The following DPCD variants were observed in gnomAD, a reference collection of about 807,000 sequenced individuals.
The protein encoded by DPCD is deleted in primary ciliary dyskinesia homolog (mouse), also known as protein DPCD.
A neutral mutation model predicts 26.4 loss-of-function variants in DPCD; 20 were observed. The ratio of observed to expected loss-of-function variants is 0.76; its 90% CI spans 0.53 to 1.10. The LOEUF (loss-of-function observed/expected upper bound fraction) is 1.10. DPCD is among the 50% of genes least tolerant of loss of function. The pLI, the probability that DPCD is intolerant of heterozygous loss-of-function variation, is 0.00. For synonymous variants in DPCD, 97 were observed against 94.2 expected, an observed-to-expected ratio of 1.03 and a Z score of -0.17; for missense variants, 202 against 253.9, an observed-to-expected ratio of 0.80 and a Z score of 1.39.
In DPCD at chr10:101,601,365, C is replaced by G. The variant is rs375618613; in HGVS notation, c.404+29C>G. On this transcript the variant is annotated intron_variant, in intron 4 of 5. Coordinates refer to ENST00000370151, the MANE Select transcript of DPCD (RefSeq NM_015448.3). ...AGTAGCGTGGAAGGCACCCTGTGTG[C>G]TTGTGTATGAGCGGGGTGTAGGGTG... 4 of 1,608,628 alleles carry G rather than the reference C, an allele frequency of 2.5e-6. No homozygotes were observed. The African/African-American group carries it at 5.4e-5, about 22-fold the overall frequency.
At chr10:101,599,820 A>T (rs2063679333) in intron 2 of DPCD, among the ~76,000 whole-genome samples, 1 of 152,200 alleles carries the variant, frequency 6.6e-6, no homozygotes, top group African/African-American at 2.4e-5. Context: ...CTCAGGCTGG[A>T]GGATACCATA....
chr10:101,597,505 C>T (rs1405002093), intron 2 of DPCD, among the ~76,000 whole-genome samples: 1 of 152,158 alleles, frequency 6.6e-6, no homozygotes, highest in African/African-American at 2.4e-5. Flanking sequence ...CTTCTACTTT[C>T]CAGCCCACCT....
Position 101,600,610 on chromosome 10 carries a change from A to C in DPCD, c.146-128A>C, listed in dbSNP as rs1435558223. On this transcript the variant is annotated intron_variant, in intron 2 of 5. Coordinates refer to ENST00000370151, the MANE Select transcript of DPCD (RefSeq NM_015448.3). This position sits in a 1 kb window ranked among gnomAD's most constrained non-coding sequence, Gnocchi z 4.7. The stretch of plus-strand genomic sequence containing the variant: ...ACAAAGCTGAGAGTAAAGGCCCAAC[A>C]CTCCCACTTTCATCTTGTGCTAGTT... The C allele has an allele frequency of 2.5e-5, 35 of 1,391,674 alleles. No individual in the cohort carries two copies. Among genetic ancestry groups the C allele is most frequent in the Non-Finnish European group, 3.4e-5 (35 of 1,033,422 alleles). The allele number at this position is 1,391,674 out of a possible 1,614,324, so 86.2% of individuals were successfully genotyped here.
chr10:101,601,459 G>T, intron 4 of DPCD, 123 bp downstream of exon 4: 2 of 385,018 alleles, frequency 5.2e-6, no homozygotes, highest in Non-Finnish European at 8.2e-6. Flanking sequence ...CTGCTTACAG[G>T]TATTGGAAGG....
In DPCD at chr10:101,594,658, G is replaced by A; in HGVS notation, c.65G>A (p.Gly22Glu). The A allele has an allele frequency of 1.9e-6, 3 of 1,614,062 alleles. No individual in the cohort carries two copies. The highest frequency in any genetic ancestry group is 2.2e-5 in the East Asian group (1 of 44,882). Reference sequence around the variant, plus strand: ...AAGGCATTCTCTGTTTTGTGCATAGGGAGAAGGAAGGTTCACTATTTATTC... The same window carrying A: ...AAGGCATTCTCTGTTTTGTGCATAGAGAGAAGGAAGGTTCACTATTTATTC... ...TAQKTALLQD[G>E]RRKVHYLFPD... Residue 22 changes from glycine (G) to glutamate (E), a missense_variant and splice_region_variant, in exon 2 of 6, where the codon GGG becomes GAG. Physicochemically the swap from Gly to Glu is moderately conservative, Grantham distance 98. Around this residue, in one of 3 missense-constraint regions of DPCD, gnomAD observed 47 missense variants for 32.8 expected, o/e 1.43. Transcript: ENST00000370151.
intron 5 of DPCD, 41 bp from the exon 6 acceptor site, chr10:101,609,325 AC>A: frequency 6.3e-7 from 1 of 1,593,710 alleles, no homozygotes; most frequent in Non-Finnish European, 8.6e-7. Context: ...AGGAGATGGG[AC>A]AGTGACTGAA....
rs186472918 is a variant in DPCD at position 101,595,984 on chromosome 10, C to G, written c.145+1246C>G. On this transcript the variant is annotated intron_variant, in intron 2 of 5. Transcript: ENST00000370151. ...AGCCGCAGCTCCTCACTCCCAGCCC[C>G]CCGTGCCACTTCTCTACTCCTCCAC... Among the ~76,000 whole-genome samples the G allele has an allele frequency of 4.5e-4, 68 of 152,324 alleles. No individual in the cohort carries two copies. In the Middle Eastern group the frequency reaches 0.01, roughly 23 times the overall value.
intron 1 of DPCD, among the ~76,000 whole-genome samples, chr10:101,590,830 A>G (rs962380135): frequency 3.3e-5 from 5 of 152,108 alleles, no homozygotes; most frequent in African/African-American, 1.2e-4. Context: ...CTTTCTGTCT[A>G]TGAATTTGAC....
intron 1 of DPCD, among the ~76,000 whole-genome samples, chr10:101,591,846 T>C (rs2063611325): frequency 6.6e-6 from 1 of 151,982 alleles, no homozygotes; most frequent in Admixed American, 6.6e-5. Flanking sequence ...CAAGCCCGGC[T>C]AATTTTTTTT....
In DPCD at chr10:101,600,804, C is replaced by CT. The variant is rs1437201037; in HGVS notation, c.212_213insT (p.Ala72SerfsTer11). The stretch of plus-strand genomic sequence containing the variant: ...CAGTGGCAGCTTGAAGTAGGAGACC[C>CT]AGCGCCCCTAGGAGCAGGGAACCTG... On this transcript the variant is annotated frameshift_variant, in exon 3 of 6. Transcript: ENST00000370151. LOFTEE classifies it high-confidence loss of function. The surrounding 1 kb of genome is among the most constrained non-coding windows in gnomAD (Gnocchi z 4.7). 2 of 1,613,832 alleles carry CT rather than the reference C, an allele frequency of 1.2e-6. No individual in the cohort carries two copies. Among genetic ancestry groups the CT allele is most frequent in the African/African-American group, 2.7e-5 (2 of 74,898 alleles).
At position 101,600,857 on chromosome 10, in the gene DPCD, G is replaced by A. The variant is rs753652551; in HGVS notation, c.265G>A (p.Ala89Thr). ...LGPELIKESN[A>T]NPIFMRKDTK... ...GCCTGAACTCATCAAGGAAAGCAAT[G>A]CCAATGTACGTCCATCTGTCCAGGT... The change falls in exon 3 of 6, where the codon GCC (alanine) becomes ACC (threonine). Residue 89 changes from alanine (A) to threonine (T), a missense_variant. By Grantham distance (58) the Ala-to-Thr change is moderately conservative. Coordinates refer to ENST00000370151, the MANE Select transcript of DPCD (RefSeq NM_015448.3). This position sits in a 1 kb window ranked among gnomAD's most constrained non-coding sequence, Gnocchi z 4.7. The A allele has an allele frequency of 3.1e-6, 5 of 1,614,012 alleles. No homozygotes were observed. The highest frequency in any genetic ancestry group is 1.6e-4 in the Middle Eastern group (1 of 6,062).
At chr10:101,592,075 TTAA>T (rs1373586472) in intron 1 of DPCD, among the ~76,000 whole-genome samples, 1 of 151,676 alleles carries the variant, frequency 6.6e-6, no homozygotes, top group Non-Finnish European at 1.5e-5. Flanking sequence ...ACTAATATAC[TTAA>T]TAATTTATAT....
At chr10:101,591,710 T>C (rs941957336) in intron 1 of DPCD, among the ~76,000 whole-genome samples, 7 of 152,302 alleles carry the variant, frequency 4.6e-5, no homozygotes, top group Admixed American at 2.6e-4. Flanking sequence ...GAGACAAGTT[T>C]CACTCTTGTT....
chr10:101,598,658 CTT>C (rs2063671332), intron 2 of DPCD, among the ~76,000 whole-genome samples: 1 of 97,356 alleles, frequency 1.0e-5, no homozygotes, highest in Non-Finnish European at 1.9e-5. Context: ...GAGTTTCACT[CTT>C]GTTGCCCAGG....
At position 101,601,295 on chromosome 10, in the gene DPCD, C is replaced by T; in HGVS notation, c.363C>T (p.Asp121=). ...YPKDVYSVSV[D]QKERCIIVRT... ...AGGATGTCTATAGTGTCTCTGTGGA[C>T]CAGAAGGAGCGCTGCATCATTGTCA... Residue 121 remains aspartate, a synonymous_variant, in exon 4 of 6, where the codon GAC becomes GAT. Coordinates refer to ENST00000370151, the MANE Select transcript of DPCD (RefSeq NM_015448.3). 6.2e-7 allele frequency: 1 copy of T among 1,613,748 alleles called. No individual in the cohort carries two copies. The highest frequency in any genetic ancestry group is 8.5e-7 in the Non-Finnish European group (1 of 1,179,884).
At chr10:101,591,449 A>G (rs1307825995) in intron 1 of DPCD, among the ~76,000 whole-genome samples, 2 of 152,128 alleles carry the variant, frequency 1.3e-5, no homozygotes, top group Non-Finnish European at 2.9e-5. Context: ...ACAACTCAGT[A>G]TTGCATATGT....
In DPCD at chr10:101,609,511, G is replaced by C. The variant is rs374661420; in HGVS notation, c.*40G>C. The C allele has an allele frequency of 1.9e-6, 3 of 1,575,270 alleles. No individual in the cohort carries two copies. Among genetic ancestry groups the C allele is most frequent in the East Asian group, 2.2e-5 (1 of 44,530 alleles). On this transcript the variant is annotated 3_prime_UTR_variant, in exon 6 of 6. Coordinates refer to ENST00000370151, the MANE Select transcript of DPCD (RefSeq NM_015448.3). ...TTATACCTCCACCACAGGGGGTGCC[G>C]TGAGACTTCAAGGCTTGGCCCTTCT... is the stretch of plus-strand genomic sequence containing the variant.
chr10:101,598,317 A>G (rs1352089410), intron 2 of DPCD, among the ~76,000 whole-genome samples: 1 of 152,198 alleles, frequency 6.6e-6, no homozygotes, highest in African/African-American at 2.4e-5. Context: ...CTTACCCTTT[A>G]AAGGCCAAAT....
At chr10:101,607,297 G>C (rs1483471052) in intron 4 of DPCD, among the ~76,000 whole-genome samples, 4 of 152,218 alleles carry the variant, frequency 2.6e-5, no homozygotes, top group African/African-American at 9.6e-5. Flanking sequence ...AAAGGCCCCA[G>C]GAAGAGCCCT....
Sources: gnomAD v4.1 joint callset for allele counts (sites outside exome capture counted in the v4.1 genomes callset) on GRCh38, gnomAD v4.1.1 for gene constraint, gnomAD v4.1.1 regional missense constraint, Gnocchi (gnomAD v3.1) non-coding constraint, MANE v1.5 for transcripts, NCBI Gene and HGNC (gene_info 2026-07-23, HGNC 2026-07-21) for gene names.